The following GALNTL6 variants were observed in gnomAD, a reference collection of about 807,000 sequenced individuals.
GALNTL6 encodes polypeptide N-acetylgalactosaminyltransferase-like 6.
Under a neutral mutation model 73.7 loss-of-function variants are expected in GALNTL6, and 46 were observed. The ratio of observed to expected loss-of-function variants is 0.62; its 90% CI spans 0.49 to 0.80. The LOEUF (loss-of-function observed/expected upper bound fraction) is 0.80. Ranked by LOEUF, GALNTL6 falls within the 30% of genes least tolerant of loss-of-function variation. The pLI, the probability that GALNTL6 is intolerant of heterozygous loss-of-function variation, is 0.00. For synonymous variants in GALNTL6, 259 were observed against 263.7 expected, an observed-to-expected ratio of 0.98 and a Z score of 0.17; for missense variants, 604 against 755.0, an observed-to-expected ratio of 0.80 and a Z score of 2.34.
intron 2 of GALNTL6, among the ~76,000 whole-genome samples, chr4:172,015,710 TA>T (rs775607946): frequency 3.0e-4 from 46 of 152,052 alleles, no homozygotes; most frequent in Admixed American, 5.3e-4. Flanking sequence ...GAACTCATTT[TA>T]GCATTTTTTT....
intron 2 of GALNTL6, among the ~76,000 whole-genome samples, chr4:172,101,668 T>C (rs1225290886): frequency 6.6e-6 from 1 of 152,186 alleles, no homozygotes; most frequent in African/African-American, 2.4e-5. Flanking sequence ...TTTAAATTTG[T>C]AATTTAATAT....
intron 2 of GALNTL6, among the ~76,000 whole-genome samples, chr4:172,110,563 G>C (rs1732823848): frequency 6.6e-6 from 1 of 152,164 alleles, no homozygotes. Flanking sequence ...TCTTCCTAGA[G>C]AGTTGTCAGA....
intron 5 of GALNTL6, among the ~76,000 whole-genome samples, chr4:172,618,952 G>A (rs1460905695): frequency 1.3e-5 from 2 of 152,040 alleles, no homozygotes; most frequent in African/African-American, 4.8e-5. Context: ...TGGATCTCCT[G>A]ACCTCATGAT....
At chr4:171,831,488 T>A (rs925226547) in intron 2 of GALNTL6, among the ~76,000 whole-genome samples, 3 of 151,996 alleles carry the variant, frequency 2.0e-5, no homozygotes, top group African/African-American at 7.2e-5. Flanking sequence ...GTACTAGCAC[T>A]ACGGTCAACT....
intron 5 of GALNTL6, among the ~76,000 whole-genome samples, chr4:172,365,002 A>C (rs1249182525): frequency 6.6e-6 from 1 of 152,192 alleles, no homozygotes; most frequent in Non-Finnish European, 1.5e-5. Flanking sequence ...TTCCCCAAAG[A>C]CTAGAATATA....
At chr4:171,869,792 T>A (rs1232718148) in intron 2 of GALNTL6, among the ~76,000 whole-genome samples, 1 of 152,006 alleles carries the variant, frequency 6.6e-6, no homozygotes, top group African/African-American at 2.4e-5. Context: ...AGTGAATAAG[T>A]CCCCCAAGTT....
chr4:171,889,585 C>T (rs1452325054), intron 2 of GALNTL6, among the ~76,000 whole-genome samples: 1 of 151,846 alleles, frequency 6.6e-6, no homozygotes, highest in Non-Finnish European at 1.5e-5. Context: ...TTCTGGATGC[C>T]CATCATACTG....
At chr4:172,606,890 C>T (rs72704872) in intron 5 of GALNTL6, among the ~76,000 whole-genome samples, 16 of 151,220 alleles carry the variant, frequency 1.1e-4, no homozygotes, top group Non-Finnish European at 1.8e-4. Context: ...AGCATGATTA[C>T]GATGCTATTA....
At chr4:172,450,511 G>A (rs1171582138) in intron 5 of GALNTL6, among the ~76,000 whole-genome samples, 1 of 152,134 alleles carries the variant, frequency 6.6e-6, no homozygotes, top group East Asian at 1.9e-4. Context: ...CTTGCATTTA[G>A]TTCAACGTAC....
At chr4:171,907,394 A>T (rs1737324953) in intron 2 of GALNTL6, among the ~76,000 whole-genome samples, 1 of 152,140 alleles carries the variant, frequency 6.6e-6, no homozygotes. Context: ...CCCATTCACA[A>T]TTGCTTCAAA....
At chr4:172,720,234 T>C (rs1399412621) in intron 5 of GALNTL6, among the ~76,000 whole-genome samples, 1 of 152,054 alleles carries the variant, frequency 6.6e-6, no homozygotes, top group Non-Finnish European at 1.5e-5. Context: ...GCCATGAAAA[T>C]TTAGGCTCAC....
intron 2 of GALNTL6, among the ~76,000 whole-genome samples, chr4:171,936,037 T>C (rs1310016224): frequency 6.6e-6 from 1 of 152,178 alleles, no homozygotes; most frequent in Non-Finnish European, 1.5e-5. Context: ...TAATTCAGCA[T>C]TATTGAATAG....
chr4:172,717,115 C>G (rs561041840), intron 5 of GALNTL6, among the ~76,000 whole-genome samples: 45 of 55,594 alleles, frequency 8.1e-4, no homozygotes, highest in Admixed American at 1.7e-3. Context: ...GAATATATCT[C>G]TAAGTTACAA....
intron 12 of GALNTL6, among the ~76,000 whole-genome samples, chr4:173,030,598 A>G (rs1220911543): frequency 1.3e-5 from 2 of 152,074 alleles, no homozygotes; most frequent in Non-Finnish European, 2.9e-5. Context: ...GATCAGGACA[A>G]TTCTTTCCTA....
intron 2 of GALNTL6, among the ~76,000 whole-genome samples, chr4:172,043,464 G>T (rs1040054123): frequency 2.6e-5 from 4 of 152,040 alleles, no homozygotes; most frequent in Non-Finnish European, 5.9e-5. Context: ...TCTCAGCACT[G>T]TGAGCTATGG....
intron 2 of GALNTL6, among the ~76,000 whole-genome samples, chr4:171,988,825 G>A (rs574796886): frequency 1.2e-3 from 180 of 152,188 alleles, no homozygotes; most frequent in Non-Finnish European, 2.1e-3. Context: ...ATGGTAAGGG[G>A]GGCATGATCG....
chr4:172,921,502 A>G (rs1409755435), intron 8 of GALNTL6, among the ~76,000 whole-genome samples: 2 of 152,172 alleles, frequency 1.3e-5, no homozygotes, highest in Non-Finnish European at 2.9e-5. Context: ...ATGACAAAAG[A>G]AAAAAATGCC....
At chr4:171,964,192 G>A (rs1279614760) in intron 2 of GALNTL6, among the ~76,000 whole-genome samples, 1 of 147,492 alleles carries the variant, frequency 6.8e-6, no homozygotes, top group Non-Finnish European at 1.5e-5. Context: ...TTTTTCCTCT[G>A]CCCCAGGAGT....
intron 2 of GALNTL6, among the ~76,000 whole-genome samples, chr4:171,907,089 C>T (rs1479984712): frequency 6.6e-6 from 1 of 152,034 alleles, no homozygotes; most frequent in Admixed American, 6.6e-5. Context: ...TGGCACAAGA[C>T]AGGGATGCCC....
Sources: allele counts gnomAD v4.1 joint callset (sites outside exome capture counted in the v4.1 genomes callset), GRCh38; gene constraint gnomAD v4.1.1; transcripts MANE v1.5; gene names NCBI Gene and HGNC (gene_info 2026-07-23, HGNC 2026-07-21).